HIVEP3: variants seen among roughly 807,000 people sequenced by gnomAD.
HIVEP3 encodes the protein HIVEP zinc finger 3, also known as transcription factor HIVEP3.
HIVEP3 carries 49 observed loss-of-function variants against 152.8 expected under a neutral mutation model. That is an observed-to-expected ratio of 0.32 (90% CI 0.26 to 0.41). The LOEUF (loss-of-function observed/expected upper bound fraction) is 0.41. Ranked by LOEUF, HIVEP3 falls within the 10% of genes least tolerant of loss-of-function variation. The pLI, the probability that HIVEP3 is intolerant of heterozygous loss-of-function variation, is 1.00. For synonymous variants in HIVEP3, 1,269 were observed against 1,289.0 expected, an observed-to-expected ratio of 0.98 and a Z score of 0.33; for missense variants, 2,790 against 3,103.3, an observed-to-expected ratio of 0.90 and a Z score of 2.40.
At chr1:41,605,402 C>T (rs1558109294) in intron 3 of HIVEP3, among the ~76,000 whole-genome samples, 12 of 151,698 alleles carry the variant, frequency 7.9e-5, no homozygotes, top group African/African-American at 2.9e-4. Flanking sequence ...CACACACACA[C>T]ACACATACAT....
intron 1 of HIVEP3, among the ~76,000 whole-genome samples, chr1:41,815,466 G>A (rs1037457436): frequency 8.5e-5 from 13 of 152,084 alleles, no homozygotes; most frequent in Admixed American, 2.6e-4. Flanking sequence ...GTGAGACCCT[G>A]TCTCAAAAAA....
intron 2 of HIVEP3, among the ~76,000 whole-genome samples, chr1:41,631,023 T>C (rs867786509): frequency 3.3e-5 from 5 of 152,300 alleles, no homozygotes; most frequent in Middle Eastern, 3.4e-3. Context: ...CAAATGAGTA[T>C]TGGTTTTTAA....
chr1:41,582,504 G>A lies in HIVEP3; in HGVS notation c.2294C>T (p.Pro765Leu). 1.2e-6 allele frequency: 2 copies of A among 1,612,358 alleles called. No homozygotes were observed. The highest frequency in any genetic ancestry group is 1.7e-6 in the Non-Finnish European group (2 of 1,178,860). ...KSPAEPSKSV[P>L]SLEGPTGFQP... ...GAAGCCCGTGGGTCCCTCCAAGGAG[G>A]GCACTGATTTACTTGGTTCTGCTGG... The change falls in exon 4 of 9, where the codon CCC becomes CTC. Residue 765 changes from proline (P) to leucine (L), a missense_variant. This residue lies in a region of HIVEP3 where 339 missense variants were observed against 327.0 expected (regional missense o/e 1.04). Transcript: ENST00000372583. The surrounding 1 kb of genome is among the most constrained non-coding windows in gnomAD (Gnocchi z 4.7).
chr1:41,573,840 G>A (rs1032017569), intron 5 of HIVEP3, among the ~76,000 whole-genome samples: 1 of 152,214 alleles, frequency 6.6e-6, no homozygotes, highest in Non-Finnish European at 1.5e-5. Flanking sequence ...GGATTCTGAA[G>A]CAGAGCAGGT....
intron 1 of HIVEP3, among the ~76,000 whole-genome samples, chr1:41,914,066 C>T (rs1301606765): frequency 1.3e-5 from 2 of 152,180 alleles, no homozygotes; most frequent in Admixed American, 6.5e-5. Context: ...CCTTTATCCA[C>T]AAGAATTCCA....
At chr1:41,711,795 G>T (rs1458553536) in intron 1 of HIVEP3, among the ~76,000 whole-genome samples, 1 of 152,084 alleles carries the variant, frequency 6.6e-6, no homozygotes, top group Non-Finnish European at 1.5e-5. Context: ...GCAGGGGCCC[G>T]AGCACACTCG....
Position 41,740,452 on chromosome 1 carries a change from C to T in HIVEP3, c.-800-39457G>A, listed in dbSNP as rs182964745. On this transcript the variant is annotated intron_variant, in intron 1 of 8. Transcript: ENST00000372583. ...AGGAGGGAACAGACACTGGGAAGCC[C>T]AAAGGTTCTGGAATGACATTGCCTG... 5.9e-5 allele frequency among the ~76,000 whole-genome samples: 9 copies of T among 152,304 alleles called. No individual in the cohort carries two copies. In the East Asian group the frequency reaches 1.7e-3, roughly 29 times the overall value.
intron 1 of HIVEP3, among the ~76,000 whole-genome samples, chr1:41,722,810 G>A (rs1419093030): frequency 6.6e-6 from 1 of 152,108 alleles, no homozygotes; most frequent in Non-Finnish European, 1.5e-5. Context: ...AAGACTTCTG[G>A]GAAATGGCAT....
intron 2 of HIVEP3, among the ~76,000 whole-genome samples, chr1:41,645,994 C>T (rs1234555018): frequency 6.6e-6 from 1 of 152,172 alleles, no homozygotes; most frequent in Admixed American, 6.5e-5. Context: ...CCTTGCTCAC[C>T]TCACCCATCA....
At chr1:41,928,418 A>C (rs1644978700) in intron 1 of HIVEP3, among the ~76,000 whole-genome samples, 1 of 152,216 alleles carries the variant, frequency 6.6e-6, no homozygotes, top group African/African-American at 2.4e-5. Context: ...AGATTGTACA[A>C]GTTCCCATAC....
chr1:41,748,132 G>C (rs773085135), intron 1 of HIVEP3, among the ~76,000 whole-genome samples: 4 of 152,220 alleles, frequency 2.6e-5, no homozygotes, highest in Non-Finnish European at 5.9e-5. Context: ...TGAAAGGTGA[G>C]ACTGGTCACA....
intron 1 of HIVEP3, among the ~76,000 whole-genome samples, chr1:41,843,055 C>A (rs1643335477): frequency 6.6e-6 from 1 of 152,196 alleles, no homozygotes; most frequent in Non-Finnish European, 1.5e-5. Flanking sequence ...TGCAGGCCCT[C>A]AGCTGTGAAG....
chr1:41,591,258 C>G (rs78866392), intron 3 of HIVEP3, among the ~76,000 whole-genome samples: 307 of 152,062 alleles, frequency 2.0e-3, no homozygotes, highest in African/African-American at 6.7e-3. Flanking sequence ...GAAATGAGAA[C>G]CAAGGTTGAA....
intron 7 of HIVEP3, among the ~76,000 whole-genome samples, chr1:41,516,698 C>T (rs1388077041): frequency 6.6e-6 from 1 of 152,198 alleles, no homozygotes; most frequent in Non-Finnish European, 1.5e-5. Flanking sequence ...ACCGGCTGCC[C>T]CCGCGTCCAG....
chr1:41,777,414 G>T (rs1415119502), intron 1 of HIVEP3, among the ~76,000 whole-genome samples: 1 of 152,156 alleles, frequency 6.6e-6, no homozygotes, highest in East Asian at 1.9e-4. Flanking sequence ...TGTGCCCAGG[G>T]CTCTCTTGAC....
At chr1:41,639,714 T>G (rs1645343182) in intron 2 of HIVEP3, among the ~76,000 whole-genome samples, 1 of 152,122 alleles carries the variant, frequency 6.6e-6, no homozygotes, top group Non-Finnish European at 1.5e-5. Context: ...TTCAGCGGAG[T>G]GCGCTCTAGT....
chr1:41,966,475 C>CTTTTT lies in HIVEP3; in HGVS notation n.120-47956_120-47952dup, dbSNP rs58470482. ...TCAAGACCCATCAGTGTGCTGTATT[C>CTTTTT]TTTTTTTTTTTTTTTTGAGATGGAG... On this transcript the variant is annotated intron_variant and non_coding_transcript_variant, in intron 1 of 3. Coordinates refer to the HIVEP3 transcript ENST00000489103. Among the ~76,000 whole-genome samples the CTTTTT allele has an allele frequency of 4.1e-4, 39 of 95,820 alleles. 5 individuals carry two copies. The highest frequency in any genetic ancestry group is 2.1e-3 in the East Asian group (5 of 2,366). The allele number at this position is 95,820 out of a possible 152,430, so 62.9% of individuals were successfully genotyped here.
At chr1:41,776,642 G>C (rs937072241) in intron 1 of HIVEP3, among the ~76,000 whole-genome samples, 1 of 152,196 alleles carries the variant, frequency 6.6e-6, no homozygotes, top group African/African-American at 2.4e-5. Flanking sequence ...TTGGTTTTAC[G>C]ATATAGTCTT....
chr1:41,877,357 A>G (rs2764831), intron 1 of HIVEP3, among the ~76,000 whole-genome samples: 119,414 of 152,188 alleles, frequency 0.78, 47,216 homozygotes, highest in East Asian at 1. Flanking sequence ...AAGCTGTGAT[A>G]TTTCTGAGTT....
Sources: gnomAD v4.1 joint callset for allele counts (sites outside exome capture counted in the v4.1 genomes callset) on GRCh38, gnomAD v4.1.1 for gene constraint, gnomAD v4.1.1 regional missense constraint, Gnocchi (gnomAD v3.1) non-coding constraint, MANE v1.5 for transcripts, NCBI Gene and HGNC (gene_info 2026-07-23, HGNC 2026-07-21) for gene names.